The following CHRM3 variants were observed in gnomAD, a reference collection of about 807,000 sequenced individuals.
CHRM3 encodes the protein muscarinic acetylcholine receptor M3.
Under a neutral mutation model 41.8 loss-of-function variants are expected in CHRM3, and 11 were observed. That is an observed-to-expected ratio of 0.26 (90% CI 0.17 to 0.44). CHRM3 has a LOEUF of 0.44. CHRM3 is among the 20% of genes least tolerant of loss of function. CHRM3 has a pLI of 1.00. For missense variants in CHRM3, 571 were observed against 745.4 expected (o/e 0.77, Z 2.72); for synonymous variants, 297 against 301.4 (o/e 0.99, Z 0.15).
At chr1:239,745,208 T>C (rs1665240029) in intron 5 of CHRM3, among the ~76,000 whole-genome samples, 1 of 152,132 alleles carries the variant, frequency 6.6e-6, no homozygotes, top group South Asian at 2.1e-4. Flanking sequence ...GAAAGTGACA[T>C]GATCAGATGC....
intron 1 of CHRM3, among the ~76,000 whole-genome samples, chr1:239,490,092 C>A (rs910005276): frequency 3.3e-5 from 5 of 152,162 alleles, no homozygotes; most frequent in Non-Finnish European, 7.4e-5. Context: ...AGGACATAAA[C>A]AAATGTTGCA....
chr1:239,784,640 A>G (rs974327476), intron 5 of CHRM3, among the ~76,000 whole-genome samples: 4 of 152,200 alleles, frequency 2.6e-5, no homozygotes, highest in Non-Finnish European at 5.9e-5. Context: ...ACAAAATGTT[A>G]TATGTTAGAT....
intron 3 of CHRM3, among the ~76,000 whole-genome samples, chr1:239,605,232 G>A (rs1230680560): frequency 1.3e-5 from 2 of 152,224 alleles, no homozygotes; most frequent in East Asian, 3.9e-4. Flanking sequence ...CATCAATGAG[G>A]GACAGTGCAT....
chr1:239,536,961 A>C (rs928074365), intron 2 of CHRM3, among the ~76,000 whole-genome samples: 2 of 152,186 alleles, frequency 1.3e-5, no homozygotes, highest in Non-Finnish European at 2.9e-5. Flanking sequence ...ATGATAATTA[A>C]ATTTCTTTTT....
intron 5 of CHRM3, among the ~76,000 whole-genome samples, chr1:239,796,835 C>G (rs567203170): frequency 6.6e-6 from 1 of 152,198 alleles, no homozygotes; most frequent in Admixed American, 6.5e-5. Context: ...CTTTTCATTC[C>G]TCACCCCCCT....
chr1:239,479,627 C>T (rs1472083193), intron 1 of CHRM3, among the ~76,000 whole-genome samples: 1 of 152,160 alleles, frequency 6.6e-6, no homozygotes, highest in Non-Finnish European at 1.5e-5. Flanking sequence ...TAAACCTAGG[C>T]TATGTGTTAT....
intron 3 of CHRM3, among the ~76,000 whole-genome samples, chr1:239,557,468 T>C (rs1660470982): frequency 6.6e-6 from 1 of 152,184 alleles, no homozygotes; most frequent in African/African-American, 2.4e-5. Context: ...AAGATTAAAA[T>C]CCAGACACTT....
At chr1:239,572,549 G>A (rs1252360899) in intron 3 of CHRM3, among the ~76,000 whole-genome samples, 2 of 152,104 alleles carry the variant, frequency 1.3e-5, no homozygotes, top group African/African-American at 4.8e-5. Context: ...ATAATCATTA[G>A]CAATCAGCAA....
chr1:239,787,730 A>C (rs991788350), intron 5 of CHRM3, among the ~76,000 whole-genome samples: 3 of 152,166 alleles, frequency 2.0e-5, no homozygotes, highest in Non-Finnish European at 4.4e-5. Flanking sequence ...ACTAAGTTTA[A>C]ATTACAGCCC....
chr1:239,876,544 T>G (rs923295809), intron 6 of CHRM3, among the ~76,000 whole-genome samples: 1 of 152,158 alleles, frequency 6.6e-6, no homozygotes, highest in Non-Finnish European at 1.5e-5. Context: ...TCTCTATGTC[T>G]CTATATAAAT....
chr1:239,505,895 T>A (rs911738234), intron 2 of CHRM3, among the ~76,000 whole-genome samples: 20 of 152,184 alleles, frequency 1.3e-4, no homozygotes, highest in Admixed American at 4.6e-4. Flanking sequence ...GAGGAACTTC[T>A]TAGCAACTAG....
At chr1:239,645,109 C>T (rs931732736) in intron 4 of CHRM3, among the ~76,000 whole-genome samples, 5 of 152,202 alleles carry the variant, frequency 3.3e-5, no homozygotes, top group African/African-American at 1.2e-4. Flanking sequence ...GAGCCGCCCT[C>T]AGCCGTGCTT....
chr1:239,448,278 C>A (rs978034863), intron 1 of CHRM3, among the ~76,000 whole-genome samples: 4 of 152,154 alleles, frequency 2.6e-5, no homozygotes, highest in Non-Finnish European at 5.9e-5. Flanking sequence ...ATCAGGATAT[C>A]CACTGTAGGT....
intron 4 of CHRM3, among the ~76,000 whole-genome samples, chr1:239,651,996 T>G (rs956614775): frequency 6.6e-6 from 1 of 151,810 alleles, no homozygotes; most frequent in Non-Finnish European, 1.5e-5. Context: ...TTTTTTTTTT[T>G]TTTTTTGATG....
intron 1 of CHRM3, among the ~76,000 whole-genome samples, chr1:239,487,520 G>T (rs1055898305): frequency 1.3e-5 from 2 of 151,956 alleles, no homozygotes; most frequent in African/African-American, 4.8e-5. Flanking sequence ...TCAGAAACAT[G>T]TAAAAAAACC....
intron 6 of CHRM3, among the ~76,000 whole-genome samples, chr1:239,851,428 G>C (rs1467819300): frequency 6.6e-6 from 1 of 152,172 alleles, no homozygotes; most frequent in South Asian, 2.1e-4. Flanking sequence ...ATATTATTTG[G>C]CAGGAGCAGG....
intron 5 of CHRM3, among the ~76,000 whole-genome samples, chr1:239,766,663 GGATATA>G (rs1163816993): frequency 7.0e-5 from 9 of 128,052 alleles, no homozygotes; most frequent in African/African-American, 2.4e-4. Flanking sequence ...TGATAGATAT[GGATATA>G]GATATATAGA....
chr1:239,751,449 T>C (rs1388937762), intron 5 of CHRM3, among the ~76,000 whole-genome samples: 2 of 152,172 alleles, frequency 1.3e-5, no homozygotes, highest in African/African-American at 4.8e-5. Flanking sequence ...TATAATTTAG[T>C]TTTTGCAAAG....
chr1:239,539,592 A>G (rs1027867554), intron 2 of CHRM3, among the ~76,000 whole-genome samples: 1 of 152,174 alleles, frequency 6.6e-6, no homozygotes, highest in Non-Finnish European at 1.5e-5. Flanking sequence ...CACTTATACA[A>G]GAGTAGTCTT....
Sources: allele counts gnomAD v4.1 joint callset (sites outside exome capture counted in the v4.1 genomes callset), GRCh38; gene constraint gnomAD v4.1.1; transcripts MANE v1.5; gene names NCBI Gene and HGNC (gene_info 2026-07-23, HGNC 2026-07-21).